DPP6: variants seen among roughly 807,000 people sequenced by gnomAD.
The protein encoded by DPP6 is dipeptidyl peptidase like 6, also known as A-type potassium channel modulatory protein DPP6.
Under a neutral mutation model 122.6 loss-of-function variants are expected in DPP6, and 69 were observed. The ratio of observed to expected loss-of-function variants is 0.56; its 90% CI spans 0.46 to 0.69. DPP6 has a LOEUF of 0.69. Among genes scored for constraint, DPP6 ranks in the 30% least tolerant of loss-of-function variants. The pLI, the probability that DPP6 is intolerant of heterozygous loss-of-function variation, is 0.00. For synonymous variants in DPP6, 418 were observed against 433.1 expected, an observed-to-expected ratio of 0.97 and a Z score of 0.43; for missense variants, 928 against 1,116.9, an observed-to-expected ratio of 0.83 and a Z score of 2.41.
At chr7:153,790,464 TC>T in the DPP6 span, among the ~76,000 whole-genome samples, 3 of 152,202 alleles carry the variant, frequency 2.0e-5, no homozygotes, top group Non-Finnish European at 2.9e-5. Flanking sequence ...TTCAATAAGA[TC>T]CCCGAGTTTC....
At chr7:154,225,193 C>T (rs918512654) in intron 1 of DPP6, among the ~76,000 whole-genome samples, 3 of 151,980 alleles carry the variant, frequency 2.0e-5, no homozygotes, top group East Asian at 3.8e-4. Flanking sequence ...ATACTGATTT[C>T]AGAGTAAGCA....
Position 154,403,905 on chromosome 7 carries a change from T to C in DPP6, c.244-42309T>C, listed in dbSNP as rs1458953985. On this transcript the variant is annotated intron_variant, in intron 1 of 25. Transcript: ENST00000377770. The surrounding 1 kb of genome is among the most constrained non-coding windows in gnomAD (Gnocchi z 4.1). ...TTTTCTAGAAAATTTGGAGCTGAAG[T>C]GCTCGGAAGGCCACTGATTTTAAGC... Among the ~76,000 whole-genome samples the C allele has an allele frequency of 6.6e-6, 1 of 152,264 alleles. No homozygotes were observed. The highest frequency in any genetic ancestry group is 1.5e-5 in the Non-Finnish European group (1 of 68,052).
At chr7:153,857,920 T>C in the DPP6 span, among the ~76,000 whole-genome samples, 4 of 152,212 alleles carry the variant, frequency 2.6e-5, no homozygotes, top group Non-Finnish European at 5.9e-5. Context: ...AGAAATCAAT[T>C]GTATAAAAAT....
intron 1 of DPP6, among the ~76,000 whole-genome samples, chr7:154,255,959 AC>A (rs1259925276): frequency 6.6e-6 from 1 of 152,164 alleles, no homozygotes; most frequent in African/African-American, 2.4e-5. Context: ...TGCGCTCTTT[AC>A]CAGTTTTCCT....
chr7:154,176,967 A>G lies in DPP6; in HGVS notation c.243+123904A>G, dbSNP rs575327619. Among the ~76,000 whole-genome samples the G allele has an allele frequency of 2.1e-4, 32 of 151,970 alleles. 1 individual carries two copies. The highest frequency in any genetic ancestry group is 7.5e-4 in the African/African-American group (31 of 41,458). ...TCCCACCTCAGCCTCCCAAGTAGCT[A>G]GGATTACAGGCACACACCACCACAC... On this transcript the variant is annotated intron_variant, in intron 1 of 25. Coordinates refer to ENST00000377770, the MANE Select transcript of DPP6 (RefSeq NM_130797.4).
chr7:154,297,904 C>T (rs1805646878), intron 1 of DPP6, among the ~76,000 whole-genome samples: 1 of 152,110 alleles, frequency 6.6e-6, no homozygotes, highest in African/African-American at 2.4e-5. Context: ...CCAGTTGCTG[C>T]CTGTCATGGT....
At chr7:154,172,222 T>C (rs1483777729) in intron 1 of DPP6, among the ~76,000 whole-genome samples, 1 of 151,990 alleles carries the variant, frequency 6.6e-6, no homozygotes, top group African/African-American at 2.4e-5. Context: ...ATTCTAGAAA[T>C]GAAACAAGGT....
At chr7:153,999,914 C>T (rs1585155649) in intron 1 of DPP6, among the ~76,000 whole-genome samples, 1 of 151,540 alleles carries the variant, frequency 6.6e-6, no homozygotes, top group Non-Finnish European at 1.5e-5. Flanking sequence ...GAGCCAAGAT[C>T]GCACCACTGC....
the DPP6 span, among the ~76,000 whole-genome samples, chr7:153,807,990 G>T: frequency 6.6e-6 from 1 of 151,974 alleles, no homozygotes; most frequent in African/African-American, 2.4e-5. Context: ...GTGGCAGCCT[G>T]CAGGAAGCAG....
chr7:154,180,556 TAG>T (rs886738936), intron 1 of DPP6, among the ~76,000 whole-genome samples: 3 of 128,620 alleles, frequency 2.3e-5, no homozygotes, highest in Non-Finnish European at 5.0e-5. Flanking sequence ...CGTATATATT[TAG>T]AGAGAATATA....
chr7:154,818,142 A>T (rs1799535220), intron 16 of DPP6, among the ~76,000 whole-genome samples: 1 of 152,198 alleles, frequency 6.6e-6, no homozygotes, highest in Non-Finnish European at 1.5e-5. Flanking sequence ...GGCCAGCCAA[A>T]ATAGAAGTGA....
intron 1 of DPP6, among the ~76,000 whole-genome samples, chr7:154,154,953 T>G (rs1796609256): frequency 6.6e-6 from 1 of 152,152 alleles, no homozygotes; most frequent in South Asian, 2.1e-4. Flanking sequence ...CTCTCTGAAC[T>G]GCCAACAGCT....
chr7:154,265,385 G>C (rs534792726), intron 1 of DPP6, among the ~76,000 whole-genome samples: 178 of 152,308 alleles, frequency 1.2e-3, no homozygotes, highest in Non-Finnish European at 1.9e-3. Flanking sequence ...CAAAAAGAAG[G>C]CCTCTCAGGA....
At chr7:153,788,736 G>A in the DPP6 span, among the ~76,000 whole-genome samples, 1 of 152,174 alleles carries the variant, frequency 6.6e-6, no homozygotes, top group African/African-American at 2.4e-5. Flanking sequence ...GGCCAAGGCG[G>A]ATGGATCACC....
At chr7:154,642,474 C>T (rs972206830) in intron 6 of DPP6, among the ~76,000 whole-genome samples, 3 of 151,962 alleles carry the variant, frequency 2.0e-5, no homozygotes, top group African/African-American at 7.3e-5. Flanking sequence ...CCTGTAATCC[C>T]AGCTACTCAG....
intron 2 of DPP6, among the ~76,000 whole-genome samples, chr7:154,468,097 A>T (rs1821946962): frequency 6.6e-6 from 1 of 152,264 alleles, no homozygotes; most frequent in East Asian, 1.9e-4. Flanking sequence ...CAACATCATT[A>T]GCTTGTAATA....
intron 3 of DPP6, among the ~76,000 whole-genome samples, chr7:154,525,005 TG>T (rs1191387704): frequency 6.6e-6 from 1 of 152,182 alleles, no homozygotes; most frequent in Non-Finnish European, 1.5e-5. Context: ...AAAATCTGGG[TG>T]TCTAGGATAA....
At chr7:154,183,318 A>G (rs1046750969) in intron 1 of DPP6, among the ~76,000 whole-genome samples, 3 of 152,230 alleles carry the variant, frequency 2.0e-5, no homozygotes, top group Admixed American at 1.3e-4. Flanking sequence ...CTAAGTGACA[A>G]TCAGAACTTC....
intron 1 of DPP6, among the ~76,000 whole-genome samples, chr7:154,164,503 A>T (rs1369130277): frequency 6.6e-6 from 1 of 152,116 alleles, no homozygotes; most frequent in African/African-American, 2.4e-5. Flanking sequence ...TACCCTTTTA[A>T]AGGGTATGAT....
Sources: gnomAD v4.1 joint callset for allele counts (sites outside exome capture counted in the v4.1 genomes callset) on GRCh38, gnomAD v4.1.1 for gene constraint, Gnocchi (gnomAD v3.1) non-coding constraint, MANE v1.5 for transcripts, NCBI Gene and HGNC (gene_info 2026-07-23, HGNC 2026-07-21) for gene names.